MTMR10: variants seen among roughly 807,000 people sequenced by gnomAD.
MTMR10 encodes the protein myotubularin related protein 10, also known as myotubularin-related protein 10.
MTMR10 carries 56 observed loss-of-function variants against 88.1 expected under a neutral mutation model. The ratio of observed to expected loss-of-function variants is 0.64; its 90% CI spans 0.51 to 0.79. MTMR10 has a LOEUF of 0.79. Ranked by LOEUF, MTMR10 falls within the 30% of genes least tolerant of loss-of-function variation. The pLI, the probability that MTMR10 is intolerant of heterozygous loss-of-function variation, is 0.00. For synonymous variants in MTMR10, 380 were observed against 340.9 expected, an observed-to-expected ratio of 1.11 and a Z score of -1.26; for missense variants, 883 against 924.7, an observed-to-expected ratio of 0.95 and a Z score of 0.58.
At chr15:30,934,555 G>GT (rs1437136926), downstream of MTMR10, among the ~76,000 whole-genome samples, 13 of 151,788 alleles carry the variant, frequency 8.6e-5, no homozygotes, top group Admixed American at 7.2e-4. Flanking sequence ...TGTGGTTTTT[G>GT]TATTTTTTAG....
At position 30,986,857 on chromosome 15, in the gene MTMR10, G is replaced by A. The variant is rs930493980; in HGVS notation, c.121+3920C>T. Reference sequence around the variant, plus strand: ...TCCAGCATTCTCGCTATCCAGGACAGACCTGGCACCCAGGAGATACTCACA... The same window carrying A: ...TCCAGCATTCTCGCTATCCAGGACAAACCTGGCACCCAGGAGATACTCACA... On this transcript the variant is annotated intron_variant, in intron 2 of 15. Transcript: ENST00000435680. Among the ~76,000 whole-genome samples the A allele has an allele frequency of 3.5e-4, 54 of 152,188 alleles. 1 individual carries two copies. The highest frequency in any genetic ancestry group is 1.2e-3 in the African/African-American group (50 of 41,440).
chr15:30,954,666 A>T, intron 10 of MTMR10, 97 bp downstream of exon 10: 1 of 1,205,344 alleles, frequency 8.3e-7, no homozygotes, highest in Non-Finnish European at 1.1e-6. Flanking sequence ...CCTTAAATAT[A>T]TCTATTTCTA....
At chr15:30,953,050 A>AC (rs1307610065) in intron 11 of MTMR10, among the ~76,000 whole-genome samples, 8 of 151,866 alleles carry the variant, frequency 5.3e-5, no homozygotes, top group Admixed American at 5.2e-4. Flanking sequence ...TTGGCCTCCC[A>AC]AAGTGCTGGG....
At chr15:30,976,106 TAAA>T (rs34173071) in intron 3 of MTMR10, among the ~76,000 whole-genome samples, 3 of 142,686 alleles carry the variant, frequency 2.1e-5, no homozygotes, top group African/African-American at 2.6e-5. Context: ...CTAATTAGTT[TAAA>T]AAAAAAAAAA....
the MTMR10 span, among the ~76,000 whole-genome samples, chr15:30,931,669 C>T: frequency 2.6e-5 from 4 of 152,190 alleles, no homozygotes; most frequent in Middle Eastern, 3.2e-3. Flanking sequence ...CTCCATGTGT[C>T]AAGAAGACCA....
intron 14 of MTMR10, chr15:30,943,532 G>T: frequency 1.0e-6 from 1 of 985,414 alleles, no homozygotes; most frequent in South Asian, 4.7e-5. Flanking sequence ...CTTCGTAAGT[G>T]GGGAGCTACA....
chr15:30,930,792 C>A, the MTMR10 span: 3 of 1,286,466 alleles, frequency 2.3e-6, no homozygotes, highest in Non-Finnish European at 3.3e-6. Context: ...AGCTTTTGGG[C>A]CGAGGGCCTG....
intron 14 of MTMR10, chr15:30,946,068 G>C (rs61997079): frequency 0.26 from 40,267 of 152,230 alleles, 5,887 homozygotes; most frequent in Non-Finnish European, 0.33. Flanking sequence ...CCTGAGAACT[G>C]GCTCCTGTGG....
the MTMR10 span, among the ~76,000 whole-genome samples, chr15:30,921,548 G>C: frequency 6.6e-6 from 1 of 152,148 alleles, no homozygotes; most frequent in African/African-American, 2.4e-5. Flanking sequence ...AAGAAAATGG[G>C]ATCTTACAAA....
downstream of MTMR10, among the ~76,000 whole-genome samples, chr15:30,934,071 T>C (rs1254807767): frequency 6.6e-6 from 1 of 152,160 alleles, no homozygotes; most frequent in Admixed American, 6.5e-5. Context: ...TTTCTATCAC[T>C]ATTTGCTTCA....
intron 14 of MTMR10, among the ~76,000 whole-genome samples, chr15:30,944,510 G>A (rs999435672): frequency 2.0e-5 from 3 of 149,952 alleles, no homozygotes; most frequent in African/African-American, 7.4e-5. Context: ...AGGTTGCAGT[G>A]AGCCGAGATC....
chr15:30,961,171 G>T, intron 6 of MTMR10, 98 bp from the exon 7 acceptor site: 1 of 1,403,426 alleles, frequency 7.1e-7, no homozygotes, highest in Non-Finnish European at 9.4e-7. Context: ...CTGATGTGCT[G>T]TCTCTAACCT....
At chr15:30,937,468 T>C (rs1219056233), downstream of MTMR10, among the ~76,000 whole-genome samples, 25 of 146,724 alleles carry the variant, frequency 1.7e-4, no homozygotes, top group African/African-American at 6.1e-4. Flanking sequence ...TTTTTTTTTT[T>C]TGAGACAGAG....
chr15:30,983,798 T>TA (rs1384405272), intron 2 of MTMR10, among the ~76,000 whole-genome samples: 1 of 152,146 alleles, frequency 6.6e-6, no homozygotes, highest in Non-Finnish European at 1.5e-5. Context: ...ATTCAGGAAT[T>TA]AAAGTGGCTC....
intron 2 of MTMR10, among the ~76,000 whole-genome samples, chr15:30,980,021 T>G (rs147144092): frequency 1.3e-5 from 2 of 152,354 alleles, no homozygotes; most frequent in East Asian, 3.9e-4. Flanking sequence ...CTAAAATATT[T>G]ACTGCACTTC....
rs542490570 is a variant in MTMR10, at chr15:30,979,280, T to G, written c.122-2325A>C. ...ATGTTATACTCAAATAAAAATTCACTTAAAGGCTGGGCGTGGTGGCTCACA... is the reference window on the plus strand; with the variant it reads ...ATGTTATACTCAAATAAAAATTCACGTAAAGGCTGGGCGTGGTGGCTCACA... On this transcript the variant is annotated intron_variant, in intron 2 of 15. Coordinates refer to ENST00000435680, the MANE Select transcript of MTMR10 (RefSeq NM_017762.3). Among the ~76,000 whole-genome samples, 674 of 152,266 alleles carry G rather than the reference T, an allele frequency of 4.4e-3. 4 individuals are homozygous for G. The highest frequency in any genetic ancestry group is 0.02 in the Middle Eastern group (6 of 294).
At chr15:30,938,796 A>T (rs2062941661), downstream of MTMR10, 1 of 527,476 alleles carries the variant, frequency 1.9e-6, no homozygotes, top group African/African-American at 2.1e-5. Flanking sequence ...AATTGCTGTT[A>T]AAAAAAGTTA....
At chr15:30,943,737 AAACTGAGGC>A in intron 14 of MTMR10, 1 of 985,478 alleles carries the variant, frequency 1.0e-6, no homozygotes, top group Non-Finnish European at 1.2e-6. Context: ...CCACCACAGT[AAACTGAGGC>A]AACACAAGGC....
chr15:30,947,590 T>C (rs898389993), intron 13 of MTMR10, among the ~76,000 whole-genome samples: 8 of 152,152 alleles, frequency 5.3e-5, no homozygotes, highest in African/African-American at 1.7e-4. Flanking sequence ...AAAATATGTG[T>C]TTAAGCATGT....
Sources: gnomAD v4.1 joint callset for allele counts (sites outside exome capture counted in the v4.1 genomes callset) on GRCh38, gnomAD v4.1.1 for gene constraint, MANE v1.5 for transcripts, NCBI Gene and HGNC (gene_info 2026-07-23, HGNC 2026-07-21) for gene names.